The following UFSP2 variants were observed in gnomAD, a reference collection of about 807,000 sequenced individuals.
UFSP2 encodes UFM1 specific peptidase 2.
A neutral mutation model predicts 60.2 loss-of-function variants in UFSP2; 43 were observed. The ratio of observed to expected loss-of-function variants is 0.71; its 90% CI spans 0.56 to 0.92. The LOEUF is 0.92. Among genes scored for constraint, UFSP2 ranks in the 40% least tolerant of loss-of-function variants. The pLI is 0.00. For synonymous variants in UFSP2, 183 were observed against 195.1 expected, an observed-to-expected ratio of 0.94 and a Z score of 0.52; for missense variants, 520 against 575.0, an observed-to-expected ratio of 0.90 and a Z score of 0.98.
chr4:185,413,650 C>G, intron 7 of UFSP2, 76 bp downstream of exon 7: 2 of 1,375,568 alleles, frequency 1.5e-6, no homozygotes. Flanking sequence ...AATCAAGTCT[C>G]CTACTGGGTA....
At chr4:185,420,407 C>A (rs1374549161) in intron 2 of UFSP2, among the ~76,000 whole-genome samples, 1 of 152,088 alleles carries the variant, frequency 6.6e-6, no homozygotes. Context: ...GACAATCTTT[C>A]AATACTCATC....
At chr4:185,421,684 A>G (rs2095549630) in intron 2 of UFSP2, among the ~76,000 whole-genome samples, 1 of 152,158 alleles carries the variant, frequency 6.6e-6, no homozygotes, top group Non-Finnish European at 1.5e-5. Flanking sequence ...TTTATAAATG[A>G]CCCAGTCTCA....
intron 1 of UFSP2, 96 bp from the exon 2 acceptor site, chr4:185,422,659 TTAAC>T: frequency 2.5e-6 from 2 of 793,086 alleles, no homozygotes; most frequent in South Asian, 2.1e-5. Flanking sequence ...AAGACATTAA[TTAAC>T]CTTGATTCTT....
intron 10 of UFSP2, among the ~76,000 whole-genome samples, chr4:185,404,827 C>A (rs1473466527): frequency 6.6e-6 from 1 of 151,980 alleles, no homozygotes. Flanking sequence ...CTCAAGTGAT[C>A]CGCCCGCCTC....
rs2095515560 is a variant in UFSP2, at chr4:185,403,344, A to G, written c.1323+150T>C. ...CTTTGTTCTTGCACATTCCCTATAC[A>G]GAGACGGCTACTTACAACAGCCTCA... On this transcript the variant is annotated intron_variant, in intron 11 of 11. Coordinates refer to ENST00000264689, the MANE Select transcript of UFSP2 (RefSeq NM_018359.5). The G allele has an allele frequency of 8.3e-6, 8 of 969,266 alleles. No homozygotes were observed. The South Asian group carries it at 1.4e-4, about 17-fold the overall frequency. 60.0% of individuals were successfully genotyped at this position (969,266 alleles called of 1,614,324 possible).
chr4:185,413,760 G>A lies in UFSP2; in HGVS notation c.797C>T (p.Thr266Ile). ...YKDGYIRNPH[T>I]YLNPPNMETG... is the part of the protein sequence containing the mutation. The stretch of plus-strand genomic sequence containing the variant: ...CTCCATGTTAGGTGGATTAAGGTAA[G>A]TATGTGGATTTCTAATGTAACCATC... The change falls in exon 7 of 12, where the codon ACT (threonine) becomes ATT (isoleucine). Residue 266 changes from threonine (T) to isoleucine (I), a missense_variant. Physicochemically the swap from Thr to Ile is moderately conservative, Grantham distance 89 (BLOSUM62 -1). Transcript: ENST00000264689. 1 of 1,613,330 alleles carries A rather than the reference G, an allele frequency of 6.2e-7. No individual in the cohort carries two copies. The highest frequency in any genetic ancestry group is 1.7e-5 in the Admixed American group (1 of 59,916).
intron 1 of UFSP2, among the ~76,000 whole-genome samples, chr4:185,423,509 C>T (rs776308257): frequency 1.3e-5 from 2 of 152,034 alleles, no homozygotes; most frequent in African/African-American, 2.4e-5. Flanking sequence ...ATCTGAAAAA[C>T]ACACAAAGAT....
In UFSP2 at chr4:185,413,998, G is replaced by A. The variant is rs2095534119; in HGVS notation, c.685-126C>T. The A allele has an allele frequency of 5.1e-6, 4 of 778,832 alleles. No homozygotes were observed. In the Admixed American group the frequency reaches 1.2e-4, roughly 23 times the overall value. 48.2% of individuals were successfully genotyped at this position (778,832 alleles called of 1,614,324 possible). ...GTTATAAAAGTTTCCAAACACTTAT[G>A]GTTTAATTCACTAACATCAAAGATG... On this transcript the variant is annotated intron_variant, in intron 6 of 11. Coordinates refer to ENST00000264689, the MANE Select transcript of UFSP2 (RefSeq NM_018359.5).
chr4:185,425,052 G>C (rs1463418912), intron 1 of UFSP2, among the ~76,000 whole-genome samples: 1 of 152,206 alleles, frequency 6.6e-6, no homozygotes, highest in Non-Finnish European at 1.5e-5. Flanking sequence ...ACCCCAGATG[G>C]ATAGATCTCA....
chr4:185,415,351 TG>T lies in UFSP2; in HGVS notation c.492-5del. ...ATCAACCAGGAGTTTACGAACTCTG[TG>T]GGGGGAAATATATAAGTGTATTAAC... On this transcript the variant is annotated splice_region_variant and splice_polypyrimidine_tract_variant and intron_variant, in intron 5 of 11. Transcript: ENST00000264689. The T allele has an allele frequency of 6.4e-7, 1 of 1,566,736 alleles. No individual in the cohort carries two copies.
At chr4:185,403,328 T>C (rs1038121248) in intron 11 of UFSP2, among the ~76,000 whole-genome samples, 166 bp downstream of exon 11, 3 of 152,218 alleles carry the variant, frequency 2.0e-5, no homozygotes, top group African/African-American at 7.2e-5. Flanking sequence ...GCTTTGTTCT[T>C]GCACATTCCC....
Position 185,419,225 on chromosome 4 carries a change from G to A in UFSP2, c.83-455C>T, listed in dbSNP as rs577984664. ...GGGCTCACTGCAAGCTCCGCCTCCC[G>A]GGTTCACGCCATTCTCCTGCCTCAG... On this transcript the variant is annotated intron_variant, in intron 2 of 11. Transcript: ENST00000264689. Among the ~76,000 whole-genome samples the A allele has an allele frequency of 4.6e-5, 7 of 151,928 alleles. 1 individual carries two copies. In the South Asian group the frequency reaches 6.2e-4, roughly 14 times the overall value.
intron 1 of UFSP2, among the ~76,000 whole-genome samples, chr4:185,425,085 C>A (rs2028701): frequency 0.81 from 123,232 of 152,166 alleles, 50,782 homozygotes; most frequent in East Asian, 0.88. Context: ...GTAAGAGTGG[C>A]GACAGTGACA....
intron 1 of UFSP2, among the ~76,000 whole-genome samples, 169 bp downstream of exon 1, chr4:185,425,697 C>T (rs1205928101): frequency 2.0e-5 from 3 of 152,236 alleles, no homozygotes; most frequent in East Asian, 1.9e-4. Context: ...TTCCCCCCGG[C>T]CCAGCGCGGA....
intron 11 of UFSP2, chr4:185,402,148 G>T: frequency 2.4e-5 from 8 of 327,360 alleles, no homozygotes; most frequent in Middle Eastern, 4.0e-4. Context: ...CTCCTTCTCT[G>T]TCCTACCCTA....
At chr4:185,422,936 G>A (rs2153295850) in intron 1 of UFSP2, among the ~76,000 whole-genome samples, 1 of 152,272 alleles carries the variant, frequency 6.6e-6, no homozygotes, top group South Asian at 2.1e-4. Flanking sequence ...TCAGCTCACT[G>A]CAACCTCCGC....
chr4:185,420,371 C>T (rs2153293725), intron 2 of UFSP2, among the ~76,000 whole-genome samples: 1 of 152,184 alleles, frequency 6.6e-6, no homozygotes, highest in South Asian at 2.1e-4. Flanking sequence ...AAAGTCAAAA[C>T]AATATAAGAA....
Position 185,399,999 on chromosome 4 carries a change from A to G in UFSP2, c.*393T>C. On this transcript the variant is annotated 3_prime_UTR_variant, in exon 12 of 12. Transcript: ENST00000264689. ...TTTTAAAAAAAAGTTTTTAATGTTAACGTGTTTTTAAAAACAGATGTCACG... is the reference window on the plus strand; with the variant it reads ...TTTTAAAAAAAAGTTTTTAATGTTAGCGTGTTTTTAAAAACAGATGTCACG... The G allele has an allele frequency of 6.2e-7, 1 of 1,601,174 alleles. No homozygotes were observed. The highest frequency in any genetic ancestry group is 8.5e-7 in the Non-Finnish European group (1 of 1,177,048).
At position 185,399,775 on chromosome 4, in the gene UFSP2, T is replaced by C; in HGVS notation, c.*617A>G. ...TACCAGTGGGAAAAGGAAGTGCTGG[T>C]AAGTAACTCAGAGCTGCTGCTTTTT... On this transcript the variant is annotated 3_prime_UTR_variant, in exon 12 of 12. Transcript: ENST00000264689. 1 of 1,613,956 alleles carries C rather than the reference T, an allele frequency of 6.2e-7. No homozygotes were observed. Among genetic ancestry groups the C allele is most frequent in the South Asian group, 1.1e-5 (1 of 91,038 alleles).
Sources: allele counts gnomAD v4.1 joint callset (sites outside exome capture counted in the v4.1 genomes callset), GRCh38; gene constraint gnomAD v4.1.1; transcripts MANE v1.5; gene names NCBI Gene and HGNC (gene_info 2026-07-23, HGNC 2026-07-21).